Variants in INF2 observed in about 807,000 individuals in gnomAD.
The protein encoded by INF2 is inverted formin-2.
INF2 carries 43 observed loss-of-function variants against 123.5 expected under a neutral mutation model. The ratio of observed to expected loss-of-function variants is 0.35; its 90% CI spans 0.27 to 0.45. The LOEUF is 0.45. Among genes scored for constraint, INF2 ranks in the 20% least tolerant of loss-of-function variants. The pLI is 1.00. For synonymous variants in INF2, 851 were observed against 745.0 expected (o/e 1.14, Z -2.32); for missense variants, 1,453 against 1,682.7 (o/e 0.86, Z 2.39).
chr14:104,697,150 G>A (rs893126809), intron 1 of INF2, among the ~76,000 whole-genome samples: 1 of 152,238 alleles, frequency 6.6e-6, no homozygotes, highest in African/African-American at 2.4e-5. Context: ...GGAGGGGGCT[G>A]TCCCAGGCAG....
At chr14:104,702,949 C>T (rs765215547) in intron 2 of INF2, among the ~76,000 whole-genome samples, 156 bp from the exon 3 acceptor site, 1 of 152,226 alleles carries the variant, frequency 6.6e-6, no homozygotes, top group Non-Finnish European at 1.5e-5. Context: ...TGGGGCACCT[C>T]GTTGGGTCCC....
In INF2 at chr14:104,718,923, C is replaced by G; in HGVS notation, c.*130C>G. On this transcript the variant is annotated 3_prime_UTR_variant, in exon 23 of 23. Coordinates refer to ENST00000392634, the MANE Select transcript of INF2 (RefSeq NM_022489.4). ...CCGGAAACCAAAACTCCGTGCCTTA[C>G]CCAGCCGGGGCCCTCCTGGAGCCTT... 2.7e-6 allele frequency: 4 copies of G among 1,499,284 alleles called. No homozygotes were observed. Among genetic ancestry groups the G allele is most frequent in the Non-Finnish European group, 3.5e-6 (4 of 1,131,448 alleles). 92.9% of individuals were successfully genotyped at this position (1,499,284 alleles called of 1,614,324 possible).
At chr14:104,714,979 G>A (rs541561734) in intron 21 of INF2, 123 bp downstream of exon 21, 335 of 1,091,636 alleles carry the variant, frequency 3.1e-4, no homozygotes, top group African/African-American at 2.7e-3. Context: ...ACTTGGGTGC[G>A]GCACGGGAGA....
At chr14:104,711,970 C>T (rs1890069818) in intron 16 of INF2, among the ~76,000 whole-genome samples, 1 of 152,208 alleles carries the variant, frequency 6.6e-6, no homozygotes, top group Non-Finnish European at 1.5e-5. Context: ...TAATACAGCC[C>T]CTTCACAAGG....
At chr14:104,690,073 GA>G (rs1197327525) in intron 1 of INF2, 1 of 152,170 alleles carries the variant, frequency 6.6e-6, no homozygotes, top group African/African-American at 2.4e-5. Context: ...GCCACATCCT[GA>G]CCATGAATCA....
At position 104,718,901 on chromosome 14, in the gene INF2, G is replaced by T; in HGVS notation, c.*108G>T. ...GGGGCCAGGCTGGGACTGGGCCCCG[G>T]AAACCAAAACTCCGTGCCTTACCCA... On this transcript the variant is annotated 3_prime_UTR_variant, in exon 23 of 23. Coordinates refer to ENST00000392634, the MANE Select transcript of INF2 (RefSeq NM_022489.4). 1 of 1,553,652 alleles carries T rather than the reference G, an allele frequency of 6.4e-7. No individual in the cohort carries two copies.
chr14:104,685,587 A>G, upstream of INF2, among the ~76,000 whole-genome samples: 1 of 41,796 alleles, frequency 2.4e-5, no homozygotes, highest in Non-Finnish European at 4.5e-5. Flanking sequence ...TGGGTGGATG[A>G]AAGGGTGGGT....
chr14:104,699,623 C>G lies in INF2; in HGVS notation c.-9-1734C>G, dbSNP rs901071343. The stretch of plus-strand genomic sequence containing the variant: ...GGTGAGTGGACGGCCACTGGGTGAC[C>G]AAGAGGGCCGGGCCTGGGAGGGTGG... On this transcript the variant is annotated intron_variant, in intron 1 of 22. Coordinates refer to ENST00000392634, the MANE Select transcript of INF2 (RefSeq NM_022489.4). The surrounding 1 kb of genome is among the most constrained non-coding windows in gnomAD (Gnocchi z 4.7). The G allele has an allele frequency of 4.1e-6, 4 of 974,772 alleles. No individual in the cohort carries two copies. The highest frequency in any genetic ancestry group is 3.6e-6 in the Non-Finnish European group (3 of 822,134). The allele number at this position is 974,772 out of a possible 1,614,324, so 60.4% of individuals were successfully genotyped here. A position where few individuals can be genotyped will look rare whatever the true frequency, so the allele number is the denominator to read the frequency against.
intron 20 of INF2, 116 bp from the exon 21 acceptor site, chr14:104,714,087 T>C (rs900477052): frequency 1.1e-6 from 1 of 911,644 alleles, no homozygotes; most frequent in African/African-American, 1.7e-5. Context: ...CAGAGGAGGC[T>C]TTCTGGGGAG....
At chr14:104,698,597 C>T (rs76147286) in intron 1 of INF2, among the ~76,000 whole-genome samples, 19,319 of 152,306 alleles carry the variant, frequency 0.13, 1,470 homozygotes, top group Admixed American at 0.17. Context: ...TCAGTTATTA[C>T]CCAGGTCCCA....
chr14:104,701,263 CTG>C lies in INF2; in HGVS notation c.-9-93_-9-92del. On this transcript the variant is annotated intron_variant, in intron 1 of 22. Coordinates refer to ENST00000392634, the MANE Select transcript of INF2 (RefSeq NM_022489.4). ...GTGAGCAGGAATTGCAGCAGAGAAACTGAGACCGAGGGAAGTGGCCCCGCCTG... is the reference window on the plus strand; with the variant it reads ...GTGAGCAGGAATTGCAGCAGAGAAACAGACCGAGGGAAGTGGCCCCGCCTG... 5 of 1,385,042 alleles carry C rather than the reference CTG, an allele frequency of 3.6e-6. No homozygotes were observed. In the South Asian group the frequency reaches 6.8e-5, roughly 19 times the overall value. The allele number at this position is 1,385,042 out of a possible 1,614,324, so 85.8% of individuals were successfully genotyped here. A position where few individuals can be genotyped will look rare whatever the true frequency, so the allele number is the denominator to read the frequency against.
At chr14:104,718,708 C>A in intron 22 of INF2, 87 bp from the exon 23 acceptor site, 1 of 1,570,230 alleles carries the variant, frequency 6.4e-7, no homozygotes, top group Non-Finnish European at 8.6e-7. Context: ...ATGAGGGGTT[C>A]AGGGACCTGG....
intron 7 of INF2, 61 bp from the exon 8 acceptor site, chr14:104,707,190 CAA>C: frequency 6.5e-7 from 1 of 1,538,264 alleles, no homozygotes; most frequent in Non-Finnish European, 8.8e-7. Flanking sequence ...GCCTCTTCCT[CAA>C]GCCCCCATCC....
chr14:104,712,724 C>T (rs1188585357), intron 17 of INF2, 104 bp from the exon 18 acceptor site: 2 of 1,473,478 alleles, frequency 1.4e-6, no homozygotes, highest in Admixed American at 2.1e-5. Flanking sequence ...CCACCGTCCT[C>T]AGGGCCTGTC....
chr14:104,688,190 G>T (rs1353537574), upstream of INF2, among the ~76,000 whole-genome samples: 1 of 152,236 alleles, frequency 6.6e-6, no homozygotes, highest in Non-Finnish European at 1.5e-5. Context: ...TCCAGTGAGC[G>T]CCTGCCTTGG....
intron 7 of INF2, 39 bp from the exon 8 acceptor site, chr14:104,707,214 G>A: frequency 6.3e-7 from 1 of 1,575,944 alleles, no homozygotes. Context: ...TCCCTCTCCG[G>A]CTCCCTTCTC....
Position 104,703,233 on chromosome 14 carries a change from G to T in INF2, c.507+13G>T, listed in dbSNP as rs1328571705. The T allele has an allele frequency of 6.2e-7, 1 of 1,612,956 alleles. No homozygotes were observed. The stretch of plus-strand genomic sequence containing the variant: ...GGACCACTACAAGGTGGGCGGCAGG[G>T]CCTGGGCCTGGGCACATGGGGCTCC... On this transcript the variant is annotated intron_variant, in intron 3 of 22. Transcript: ENST00000392634.
chr14:104,699,361 A>G lies in INF2; in HGVS notation c.-9-1996A>G, dbSNP rs1043027849. ...TTCTGGGGCCTCTTTAGGCAGCAACAGCCAAGGCGGGTGGGAATATATGCA... is the reference window on the plus strand; with the variant it reads ...TTCTGGGGCCTCTTTAGGCAGCAACGGCCAAGGCGGGTGGGAATATATGCA... On this transcript the variant is annotated intron_variant, in intron 1 of 22. Coordinates refer to ENST00000392634, the MANE Select transcript of INF2 (RefSeq NM_022489.4). This position sits in a 1 kb window ranked among gnomAD's most constrained non-coding sequence, Gnocchi z 4.7. 2.0e-6 allele frequency: 2 copies of G among 983,322 alleles called. No individual in the cohort carries two copies. Among genetic ancestry groups the G allele is most frequent in the Admixed American group, 6.2e-5 (1 of 16,256 alleles). The allele number at this position is 983,322 out of a possible 1,614,324, so 60.9% of individuals were successfully genotyped here.
upstream of INF2, among the ~76,000 whole-genome samples, chr14:104,687,428 A>G (rs1595147480): frequency 6.7e-6 from 1 of 150,374 alleles, no homozygotes; most frequent in South Asian, 2.1e-4. The surrounding 1 kb of genome is among the most constrained non-coding windows in gnomAD (Gnocchi z 5.6). Context: ...CCACATTTCC[A>G]CCCTCCCAGA....
Sources: allele counts gnomAD v4.1 joint callset (sites outside exome capture counted in the v4.1 genomes callset), GRCh38; gene constraint gnomAD v4.1.1; non-coding constraint Gnocchi (gnomAD v3.1); transcripts MANE v1.5; gene names NCBI Gene and HGNC (gene_info 2026-07-23, HGNC 2026-07-21).